The following PAX5 variants were observed in gnomAD, a reference collection of about 807,000 sequenced individuals.
The protein encoded by PAX5 is paired box 5, also known as paired box protein Pax-5.
A neutral mutation model predicts 43.7 loss-of-function variants in PAX5; 9 were observed. That is an observed-to-expected ratio of 0.21 (90% CI 0.12 to 0.36). The LOEUF (loss-of-function observed/expected upper bound fraction) is 0.36, where lower values mean the gene tolerates loss of function less well. PAX5 is among the 10% of genes least tolerant of loss of function. The probability of loss-of-function intolerance (pLI) is 1.00; values close to 1 mark genes in which losing one functional copy is unlikely to be tolerated. For missense variants in PAX5, 383 were observed against 532.7 expected (o/e 0.72, Z 2.77); for synonymous variants, 228 against 214.3 (o/e 1.06, Z -0.56).
intron 5 of PAX5, among the ~76,000 whole-genome samples, chr9:36,973,905 C>G (rs1038343115): frequency 1.3e-5 from 2 of 152,148 alleles, no homozygotes; most frequent in African/African-American, 4.8e-5. Flanking sequence ...GAGGCTGAAG[C>G]AAGAGAATCA....
intron 6 of PAX5, among the ~76,000 whole-genome samples, chr9:36,945,329 C>A (rs1483234753): frequency 6.6e-6 from 1 of 152,170 alleles, no homozygotes; most frequent in African/African-American, 2.4e-5. Flanking sequence ...GCAGCCTCCA[C>A]TTACTGGACT....
chr9:37,002,772 G>A lies in PAX5; in HGVS notation c.480C>T (p.Ser160=). ...PVPASSHSIV[S]TGSVTQVSSV... Reference sequence around the variant, plus strand: ...AGGACACCTGCGTCACGGAGCCAGTGGACACTGCGCGGAGAAAGACGGGCG... The same window carrying A: ...AGGACACCTGCGTCACGGAGCCAGTAGACACTGCGCGGAGAAAGACGGGCG... Residue 160 remains serine, a synonymous_variant, in exon 5 of 10, where the codon TCC becomes TCT. Transcript: ENST00000358127. 1.9e-6 allele frequency: 3 copies of A among 1,608,492 alleles called. No homozygotes were observed. Among genetic ancestry groups the A allele is most frequent in the Non-Finnish European group, 2.5e-6 (3 of 1,178,170 alleles).
chr9:36,850,818 T>C (rs528553244), intron 8 of PAX5, among the ~76,000 whole-genome samples: 105 of 152,254 alleles, frequency 6.9e-4, no homozygotes, highest in Non-Finnish European at 1.2e-3. Flanking sequence ...CCCTAAGAAC[T>C]CTTTCAACAA....
chr9:36,891,189 T>C (rs894020283), intron 7 of PAX5, among the ~76,000 whole-genome samples: 2 of 152,242 alleles, frequency 1.3e-5, no homozygotes, highest in Non-Finnish European at 2.9e-5. Flanking sequence ...TTTATATTTG[T>C]ACAAGAGTTA....
chr9:37,016,203 C>T (rs892759625), intron 2 of PAX5, among the ~76,000 whole-genome samples: 2 of 152,208 alleles, frequency 1.3e-5, no homozygotes, highest in Non-Finnish European at 2.9e-5. Context: ...AGGTAGCTTA[C>T]ACTTTTGATT....
In PAX5 at chr9:36,894,949, C is replaced by T. The variant is rs116220848; in HGVS notation, c.911-12844G>A. On this transcript the variant is annotated intron_variant, in intron 7 of 9. Coordinates refer to ENST00000358127, the MANE Select transcript of PAX5 (RefSeq NM_016734.3). ...AGCCGTGTGACCTTGGGCAGGTGAC[C>T]CCGCCTTCCTTTCCTCGTCTAAGGG... Among the ~76,000 whole-genome samples the T allele has an allele frequency of 6.5e-3, 993 of 152,382 alleles. 6 individuals carry two copies. Among genetic ancestry groups the T allele is most frequent in the African/African-American group, 0.023 (954 of 41,588 alleles).
chr9:37,020,557 G>C, intron 2 of PAX5, 79 bp downstream of exon 2: 1 of 1,397,146 alleles, frequency 7.2e-7, no homozygotes, highest in Admixed American at 1.7e-5. Flanking sequence ...CTATGATACT[G>C]TCATATTGGA....
chr9:36,888,849 G>A (rs981063244), intron 7 of PAX5, among the ~76,000 whole-genome samples: 2 of 152,166 alleles, frequency 1.3e-5, no homozygotes, highest in Non-Finnish European at 2.9e-5. Context: ...AGGCTCCCCC[G>A]TTGCCTCCAG....
At position 37,002,955 on chromosome 9, in the gene PAX5, G is replaced by A; in HGVS notation, c.476-179C>T. The A allele has an allele frequency of 7.5e-6, 5 of 670,298 alleles. No individual in the cohort carries two copies. In the South Asian group the frequency reaches 8.1e-5, roughly 11 times the overall value. The allele number at this position is 670,298 out of a possible 1,614,324, so 41.5% of individuals were successfully genotyped here. A position where few individuals can be genotyped will look rare whatever the true frequency, so the allele number is the denominator to read the frequency against. On this transcript the variant is annotated intron_variant, in intron 4 of 9. Transcript: ENST00000358127. ...TGAGCCACGAGCGCAGGCCTCGGGC[G>A]GGCCGTGTGCCCCAGTTCTCTGCGA... is the stretch of plus-strand genomic sequence containing the variant.
chr9:36,984,854 T>C (rs1425095861), intron 5 of PAX5, among the ~76,000 whole-genome samples: 1 of 152,180 alleles, frequency 6.6e-6, no homozygotes, highest in Non-Finnish European at 1.5e-5. Flanking sequence ...CCATCAGCCT[T>C]GTACAGCTGA....
intron 5 of PAX5, among the ~76,000 whole-genome samples, chr9:36,984,166 C>T (rs1047162393): frequency 1.3e-5 from 2 of 152,074 alleles, no homozygotes; most frequent in African/African-American, 4.8e-5. Flanking sequence ...GAGGGATAGG[C>T]CAGGGAGAGA....
chr9:37,003,154 T>TAAAA (rs67081521), intron 4 of PAX5, among the ~76,000 whole-genome samples: 1 of 75,830 alleles, frequency 1.3e-5, no homozygotes, highest in South Asian at 6.4e-4. Flanking sequence ...AGTCAGTGCT[T>TAAAA]AAAAAAAAAA....
At chr9:36,935,912 A>G (rs115805415) in intron 6 of PAX5, among the ~76,000 whole-genome samples, 2,031 of 152,356 alleles carry the variant, frequency 0.013, 48 homozygotes, top group African/African-American at 0.045. Context: ...GCCTGGATCC[A>G]GCACGGGGCC....
chr9:36,982,551 C>T (rs1836027665), intron 5 of PAX5, among the ~76,000 whole-genome samples: 1 of 152,290 alleles, frequency 6.6e-6, no homozygotes, highest in African/African-American at 2.4e-5. Context: ...ACAGAAAGAA[C>T]CTGTCCAGTG....
rs1378914005 is a variant in PAX5 at position 36,835,063 on chromosome 9, CT to C, written c.*5496del. On this transcript the variant is annotated 3_prime_UTR_variant, in exon 10 of 10. Coordinates refer to ENST00000358127, the MANE Select transcript of PAX5 (RefSeq NM_016734.3). The stretch of plus-strand genomic sequence containing the variant: ...CCAAGTACCCTACCTGAGACGACTC[CT>C]TTGAGGCTTTGCTGATTGTCCCTCA... The C allele has an allele frequency of 1.7e-5, 4 of 233,252 alleles. No homozygotes were observed. The highest frequency in any genetic ancestry group is 5.6e-5 in the Admixed American group (1 of 17,786). The allele number at this position is 233,252 out of a possible 1,614,324, so 14.4% of individuals were successfully genotyped here.
At chr9:36,860,347 A>C (rs572011037) in intron 8 of PAX5, among the ~76,000 whole-genome samples, 1 of 152,134 alleles carries the variant, frequency 6.6e-6, no homozygotes, top group South Asian at 2.1e-4. Context: ...AAAAGAAAAA[A>C]AAATCATCTG....
chr9:37,032,308 A>G (rs534134826), intron 1 of PAX5, among the ~76,000 whole-genome samples: 1 of 152,346 alleles, frequency 6.6e-6, no homozygotes, highest in South Asian at 2.1e-4. Flanking sequence ...AGCCAGCCCG[A>G]GGACTGCGCA....
chr9:36,893,204 T>C (rs942552126), intron 7 of PAX5, among the ~76,000 whole-genome samples: 1 of 152,206 alleles, frequency 6.6e-6, no homozygotes, highest in Non-Finnish European at 1.5e-5. Flanking sequence ...TGAACCAAGA[T>C]GTATGAAGTG....
At chr9:36,970,535 C>T (rs952229663) in intron 5 of PAX5, among the ~76,000 whole-genome samples, 5 of 152,162 alleles carry the variant, frequency 3.3e-5, no homozygotes, top group Non-Finnish European at 4.4e-5. Context: ...GCCCGAATCG[C>T]TCGTTCCTTC....
Sources: gnomAD v4.1 joint callset for allele counts (sites outside exome capture counted in the v4.1 genomes callset) on GRCh38, gnomAD v4.1.1 for gene constraint, MANE v1.5 for transcripts, NCBI Gene and HGNC (gene_info 2026-07-23, HGNC 2026-07-21) for gene names.